The following SKAP2 variants were observed in gnomAD, a reference collection of about 807,000 sequenced individuals.
The protein encoded by SKAP2 is src kinase-associated phosphoprotein 2.
In SKAP2, 28 loss-of-function variants were observed where a neutral mutation model predicts 54.9. That is an observed-to-expected ratio of 0.51 (90% CI 0.38 to 0.70). SKAP2 has a LOEUF of 0.70. Among genes scored for constraint, SKAP2 ranks in the 30% least tolerant of loss-of-function variants. The pLI is 0.00. For missense variants in SKAP2, 356 were observed against 424.1 expected, an observed-to-expected ratio of 0.84 and a Z score of 1.41; for synonymous variants, 137 against 134.3, an observed-to-expected ratio of 1.02 and a Z score of -0.14.
chr7:26,701,743 A>C (rs1787030344), intron 9 of SKAP2, among the ~76,000 whole-genome samples: 1 of 122,536 alleles, frequency 8.2e-6, no homozygotes, highest in African/African-American at 2.9e-5. Context: ...ATAAATAAAT[A>C]AATAAATAAA....
At chr7:26,749,562 AC>A (rs1782634153) in intron 4 of SKAP2, among the ~76,000 whole-genome samples, 1 of 151,962 alleles carries the variant, frequency 6.6e-6, no homozygotes, top group African/African-American at 2.4e-5. Flanking sequence ...AGCCTAGGTA[AC>A]ACAGCAACAC....
chr7:26,655,388 T>A, the SKAP2 span, among the ~76,000 whole-genome samples: 2,732 of 141,934 alleles, frequency 0.019, 52 homozygotes, highest in Non-Finnish European at 0.023. Flanking sequence ...TGTTTTAATG[T>A]CCCCTAAATA....
intron 4 of SKAP2, among the ~76,000 whole-genome samples, chr7:26,785,247 C>A (rs942492678): frequency 2.6e-5 from 4 of 151,908 alleles, no homozygotes; most frequent in Non-Finnish European, 4.4e-5. Flanking sequence ...AGTGCAGTGG[C>A]GCGATCTCGG....
Position 26,693,083 on chromosome 7 carries a change from G to T in SKAP2, c.797-2721C>A, listed in dbSNP as rs188050055. Among the ~76,000 whole-genome samples the T allele has an allele frequency of 3.9e-3, 587 of 152,234 alleles. 3 individuals are homozygous for T. The highest frequency in any genetic ancestry group is 5.6e-3 in the Non-Finnish European group (381 of 68,002). On this transcript the variant is annotated intron_variant, in intron 9 of 12. Transcript: ENST00000345317. ...ATGGTCGGTCACGCCTGTAATCCCA[G>T]CACTTTGAGAGGCCCAGGCGGGTGG... is the stretch of plus-strand genomic sequence containing the variant.
intron 4 of SKAP2, among the ~76,000 whole-genome samples, chr7:26,749,105 A>G (rs1782623487): frequency 6.6e-6 from 1 of 152,212 alleles, no homozygotes. Context: ...TTCCATACAC[A>G]TACAAAAAAA....
Position 26,781,851 on chromosome 7 carries a change from A to G in SKAP2, c.308-41887T>C, listed in dbSNP as rs1443746771. On this transcript the variant is annotated intron_variant, in intron 4 of 12. Coordinates refer to ENST00000345317, the MANE Select transcript of SKAP2 (RefSeq NM_003930.5). ...CCTCCTAGCAGCATCTACTCTGATC[A>G]CTCTCCTCCACACTGTTCCTCACAC... is the stretch of plus-strand genomic sequence containing the variant. 2.0e-5 allele frequency among the ~76,000 whole-genome samples: 3 copies of G among 151,746 alleles called. No individual in the cohort carries two copies. In the East Asian group the frequency reaches 5.8e-4, roughly 29 times the overall value.
At chr7:26,844,164 A>G in intron 3 of SKAP2, 27 bp from the exon 4 acceptor site, 1 of 1,310,922 alleles carries the variant, frequency 7.6e-7, no homozygotes, top group Non-Finnish European at 1.1e-6. Flanking sequence ...AAATCAGAGA[A>G]CTGCCTTTTA....
intron 6 of SKAP2, among the ~76,000 whole-genome samples, chr7:26,728,452 A>G (rs1787755108): frequency 6.6e-6 from 1 of 152,144 alleles, no homozygotes; most frequent in Non-Finnish European, 1.5e-5. Flanking sequence ...TTCACAGAAT[A>G]TTTTATGGTA....
intron 4 of SKAP2, among the ~76,000 whole-genome samples, chr7:26,833,254 G>A (rs1784634053): frequency 6.6e-6 from 1 of 151,982 alleles, no homozygotes. Flanking sequence ...AAATTAGCCA[G>A]GAGTGGTGGC....
intron 4 of SKAP2, among the ~76,000 whole-genome samples, chr7:26,763,794 T>A (rs1337056750): frequency 7.1e-6 from 1 of 140,394 alleles, no homozygotes; most frequent in African/African-American, 2.7e-5. Context: ...CTAGGCAATA[T>A]TATATATAGC....
intron 10 of SKAP2, among the ~76,000 whole-genome samples, chr7:26,688,670 G>GA (rs1487973380): frequency 1.3e-5 from 2 of 152,184 alleles, no homozygotes; most frequent in Non-Finnish European, 2.9e-5. Context: ...GCCATTGCAT[G>GA]AAAGGCTAGA....
At chr7:26,664,198 G>C (rs10275554), downstream of SKAP2, among the ~76,000 whole-genome samples, 5 of 152,108 alleles carry the variant, frequency 3.3e-5, no homozygotes, top group East Asian at 1.9e-4. Flanking sequence ...CTACCCTAAG[G>C]CTTTGGGGAC....
intron 4 of SKAP2, among the ~76,000 whole-genome samples, chr7:26,765,520 G>A (rs1783032976): frequency 1.3e-5 from 2 of 152,134 alleles, no homozygotes; most frequent in Admixed American, 6.5e-5. Context: ...TGCTTTTGAT[G>A]TTTAAGTCAT....
Position 26,864,517 on chromosome 7 carries a change from C to T in SKAP2, c.-88G>A. On this transcript the variant is annotated 5_prime_UTR_variant, in exon 1 of 13. Transcript: ENST00000345317. ...GCTGCGGCTGCGACCTAGACTCAGG[C>T]TAGCGGCCCGGATTAAGAACAGCGG... The T allele has an allele frequency of 6.7e-7, 1 of 1,498,012 alleles. No individual in the cohort carries two copies. The highest frequency in any genetic ancestry group is 2.4e-5 in the Admixed American group (1 of 42,470). The allele number at this position is 1,498,012 out of a possible 1,614,324, so 92.8% of individuals were successfully genotyped here. A position where few individuals can be genotyped will look rare whatever the true frequency, so the allele number is the denominator to read the frequency against.
At chr7:26,854,370 A>T (rs1785115111) in intron 2 of SKAP2, among the ~76,000 whole-genome samples, 1 of 152,090 alleles carries the variant, frequency 6.6e-6, no homozygotes, top group South Asian at 2.1e-4. Flanking sequence ...TACAGTAGTA[A>T]AATGAGGATA....
intron 4 of SKAP2, among the ~76,000 whole-genome samples, chr7:26,779,571 C>G (rs1326594063): frequency 6.6e-6 from 1 of 152,002 alleles, no homozygotes; most frequent in African/African-American, 2.4e-5. Flanking sequence ...CATTTCAATT[C>G]ATATCATTCT....
At position 26,729,443 on chromosome 7, in the gene SKAP2, G is replaced by C. The variant is rs574979843; in HGVS notation, c.470-2437C>G. Among the ~76,000 whole-genome samples the C allele has an allele frequency of 1.2e-4, 19 of 152,176 alleles. No individual in the cohort carries two copies. The East Asian group carries it at 3.7e-3, about 29-fold the overall frequency. ...AAGGTAAACTTTAGCCAACTGCTTT[G>C]CATATTTTATAAAAGTAAACAGATT... On this transcript the variant is annotated intron_variant, in intron 6 of 12. Transcript: ENST00000345317.
At chr7:26,799,300 G>C (rs1783858900) in intron 4 of SKAP2, among the ~76,000 whole-genome samples, 1 of 151,684 alleles carries the variant, frequency 6.6e-6, no homozygotes, top group Non-Finnish European at 1.5e-5. Flanking sequence ...AAACCCCATT[G>C]ATCTGTTGCC....
intron 6 of SKAP2, among the ~76,000 whole-genome samples, chr7:26,738,339 T>C (rs1787985097): frequency 1.3e-5 from 2 of 152,228 alleles, no homozygotes; most frequent in African/African-American, 4.8e-5. Context: ...AAATTCTATG[T>C]ACACGTTTGC....
Sources: gnomAD v4.1 joint callset for allele counts (sites outside exome capture counted in the v4.1 genomes callset) on GRCh38, gnomAD v4.1.1 for gene constraint, MANE v1.5 for transcripts, NCBI Gene and HGNC (gene_info 2026-07-23, HGNC 2026-07-21) for gene names.